The following NDUFAF2 variants were observed in gnomAD, a reference collection of about 807,000 sequenced individuals.
The protein encoded by NDUFAF2 is NADH dehydrogenase [ubiquinone] 1 alpha subcomplex assembly factor 2.
A neutral mutation model predicts 22.8 loss-of-function variants in NDUFAF2; 13 were observed. The observed-to-expected ratio is 0.57, with a 90% CI of 0.37 to 0.91. The LOEUF (loss-of-function observed/expected upper bound fraction) is 0.91, where lower values mean the gene tolerates loss of function less well. Ranked by LOEUF, NDUFAF2 falls within the 40% of genes least tolerant of loss-of-function variation. NDUFAF2 has a pLI of 0.01. For synonymous variants in NDUFAF2, 53 were observed against 64.2 expected (o/e 0.83, Z 0.84); for missense variants, 162 against 195.2 (o/e 0.83, Z 1.01).
intron 1 of NDUFAF2, among the ~76,000 whole-genome samples, chr5:60,962,219 C>T (rs1356460154): frequency 1.4e-5 from 2 of 147,498 alleles, no homozygotes; most frequent in Non-Finnish European, 3.0e-5. Context: ...CATAGGTTTT[C>T]TGACAAAACT....
intron 1 of NDUFAF2, among the ~76,000 whole-genome samples, chr5:60,982,261 C>T (rs1321620901): frequency 1.3e-5 from 2 of 152,038 alleles, no homozygotes; most frequent in African/African-American, 4.8e-5. Flanking sequence ...GTTTAATGGA[C>T]TTAACAGTTC....
chr5:61,031,878 C>G (rs1486621503), intron 1 of NDUFAF2, among the ~76,000 whole-genome samples: 2 of 152,216 alleles, frequency 1.3e-5, no homozygotes, highest in African/African-American at 4.8e-5. Flanking sequence ...CACATCCTCT[C>G]CAGCATCTGT....
intron 1 of NDUFAF2, among the ~76,000 whole-genome samples, chr5:60,951,155 G>A (rs564021461): frequency 6.6e-6 from 1 of 152,002 alleles, no homozygotes; most frequent in South Asian, 2.1e-4. Flanking sequence ...TCAGCCTCTC[G>A]AGTAGCTGGG....
intron 3 of NDUFAF2, among the ~76,000 whole-genome samples, chr5:61,125,862 T>C (rs897416964): frequency 7.2e-5 from 11 of 152,076 alleles, no homozygotes; most frequent in African/African-American, 2.4e-4. Flanking sequence ...CTGGCTACCA[T>C]AGTAATAAAT....
intron 2 of NDUFAF2, among the ~76,000 whole-genome samples, chr5:61,084,823 T>C (rs1347473430): frequency 1.3e-5 from 2 of 152,096 alleles, no homozygotes; most frequent in African/African-American, 4.8e-5. Context: ...CCTATGTAAA[T>C]AGGTACAGTA....
intron 2 of NDUFAF2, among the ~76,000 whole-genome samples, chr5:61,092,995 A>C (rs1752587373): frequency 6.6e-6 from 1 of 152,216 alleles, no homozygotes. Flanking sequence ...TGCAGCCTTC[A>C]ATCTGCAGCT....
chr5:61,001,927 T>C (rs1751301866), intron 1 of NDUFAF2, among the ~76,000 whole-genome samples: 1 of 152,084 alleles, frequency 6.6e-6, no homozygotes, highest in South Asian at 2.1e-4. Flanking sequence ...ACTAGTATCG[T>C]CATATTTCCT....
chr5:61,059,423 T>TA (rs902909733), intron 1 of NDUFAF2, among the ~76,000 whole-genome samples: 1 of 151,972 alleles, frequency 6.6e-6, no homozygotes, highest in Non-Finnish European at 1.5e-5. Flanking sequence ...TTTGTGGCTT[T>TA]AAAAAAAATT....
At chr5:61,142,167 T>C (rs767572393) in intron 3 of NDUFAF2, among the ~76,000 whole-genome samples, 16 of 152,238 alleles carry the variant, frequency 1.1e-4, no homozygotes, top group Non-Finnish European at 2.1e-4. Flanking sequence ...CTAATTATTT[T>C]TTATTAATGT....
intron 3 of NDUFAF2, among the ~76,000 whole-genome samples, chr5:61,128,411 A>G (rs373580561): frequency 6.6e-6 from 1 of 152,218 alleles, no homozygotes; most frequent in African/African-American, 2.4e-5. Context: ...CTACAAGGCT[A>G]CAGTAACCAA....
intron 2 of NDUFAF2, among the ~76,000 whole-genome samples, chr5:61,091,227 G>C (rs921084823): frequency 2.6e-5 from 4 of 152,122 alleles, no homozygotes; most frequent in African/African-American, 9.7e-5. Context: ...TAGGTCAAAT[G>C]GTATTTCTGT....
At chr5:61,121,825 C>CTTTTCTTTTTT (rs1286759537) in intron 3 of NDUFAF2, among the ~76,000 whole-genome samples, 1 of 149,534 alleles carries the variant, frequency 6.7e-6, no homozygotes, top group African/African-American at 2.5e-5. Context: ...CTTTCCTTTT[C>CTTTTCTTTTTT]TTTTCTTTTT....
intron 1 of NDUFAF2, among the ~76,000 whole-genome samples, chr5:61,064,024 A>C (rs1412953007): frequency 6.6e-6 from 1 of 152,180 alleles, no homozygotes; most frequent in Non-Finnish European, 1.5e-5. Flanking sequence ...AAGGACACAC[A>C]TAAGCTGAAA....
intron 1 of NDUFAF2, among the ~76,000 whole-genome samples, chr5:60,970,036 G>C (rs1750807574): frequency 6.6e-6 from 1 of 152,030 alleles, no homozygotes; most frequent in Non-Finnish European, 1.5e-5. Context: ...TTCACTGTAG[G>C]TGTATGGATT....
At chr5:61,004,984 A>G (rs186872674) in intron 1 of NDUFAF2, among the ~76,000 whole-genome samples, 34 of 152,036 alleles carry the variant, frequency 2.2e-4, no homozygotes, top group Middle Eastern at 3.4e-3. Flanking sequence ...CGTGTGCACA[A>G]TATGCAGGTT....
At chr5:61,146,845 G>T (rs566885127) in intron 3 of NDUFAF2, among the ~76,000 whole-genome samples, 1 of 152,032 alleles carries the variant, frequency 6.6e-6, no homozygotes, top group South Asian at 2.1e-4. Context: ...ACTCTCTCTT[G>T]CTTCAGTTTA....
At chr5:60,961,873 A>T (rs1023653895) in intron 1 of NDUFAF2, among the ~76,000 whole-genome samples, 2 of 151,838 alleles carry the variant, frequency 1.3e-5, no homozygotes, top group Admixed American at 1.3e-4. Context: ...TGGTAGCAGG[A>T]TCGCTTGAGC....
chr5:60,960,684 G>T (rs1177569378), intron 1 of NDUFAF2, among the ~76,000 whole-genome samples: 2 of 152,100 alleles, frequency 1.3e-5, no homozygotes, highest in Admixed American at 6.5e-5. Flanking sequence ...TTGATTGTTT[G>T]AATAAATTTC....
chr5:61,082,402 A>G (rs1752454442), intron 2 of NDUFAF2, among the ~76,000 whole-genome samples: 1 of 151,930 alleles, frequency 6.6e-6, no homozygotes, highest in African/African-American at 2.4e-5. Flanking sequence ...CTATAAGTAC[A>G]CTTTACTTTT....
Sources: allele counts gnomAD v4.1 joint callset (sites outside exome capture counted in the v4.1 genomes callset), GRCh38; gene constraint gnomAD v4.1.1; transcripts MANE v1.5; gene names NCBI Gene and HGNC (gene_info 2026-07-23, HGNC 2026-07-21).